PARP4: variants seen among roughly 807,000 people sequenced by gnomAD.
PARP4 encodes the protein protein mono-ADP-ribosyltransferase PARP4.
In PARP4, 120 loss-of-function variants were observed where a neutral mutation model predicts 187.7. The ratio of observed to expected loss-of-function variants is 0.64; its 90% confidence interval spans 0.55 to 0.74. The LOEUF (loss-of-function observed/expected upper bound fraction) is 0.74. Among genes scored for constraint, PARP4 ranks in the 30% least tolerant of loss-of-function variants. PARP4 has a pLI of 0.00. For synonymous variants in PARP4, 654 were observed against 740.9 expected (o/e 0.88, Z 1.90); for missense variants, 1,836 against 2,070.5 (o/e 0.89, Z 2.20).
chr13:24,458,107 C>A (rs1871983186), intron 20 of PARP4, among the ~76,000 whole-genome samples: 1 of 145,428 alleles, frequency 6.9e-6, no homozygotes, highest in African/African-American at 2.6e-5. Flanking sequence ...CCTGTCTCTA[C>A]AATTTTTTTT....
chr13:24,427,222 C>G (rs1870103752), intron 32 of PARP4, among the ~76,000 whole-genome samples: 1 of 152,104 alleles, frequency 6.6e-6, no homozygotes, highest in Non-Finnish European at 1.5e-5. Context: ...TGACTAATTA[C>G]ACTGGTGTAT....
chr13:24,469,795 T>C (rs780805889), intron 16 of PARP4, 99 bp downstream of exon 16: 81 of 1,263,876 alleles, frequency 6.4e-5, no homozygotes, highest in Non-Finnish European at 8.9e-5. Context: ...AGGCTGCTAC[T>C]CAACCTTGTA....
intron 12 of PARP4, among the ~76,000 whole-genome samples, chr13:24,482,243 T>C (rs1166493425): frequency 6.6e-6 from 1 of 152,228 alleles, no homozygotes; most frequent in African/African-American, 2.4e-5. Context: ...AGTGGTTTCT[T>C]GAGATGGAAT....
At chr13:24,496,305 T>G (rs1303700256) in intron 6 of PARP4, among the ~76,000 whole-genome samples, 8 of 152,124 alleles carry the variant, frequency 5.3e-5, no homozygotes, top group Non-Finnish European at 1.0e-4. Context: ...TTCTCCTTCT[T>G]GGACACATTT....
chr13:24,448,123 T>C (rs890113333), intron 25 of PARP4, among the ~76,000 whole-genome samples: 15 of 152,082 alleles, frequency 9.9e-5, no homozygotes, highest in Non-Finnish European at 1.9e-4. Flanking sequence ...GGGAGGAAGA[T>C]GGCTTGAGAC....
intron 15 of PARP4, among the ~76,000 whole-genome samples, chr13:24,473,261 T>G (rs1195806566): frequency 6.6e-6 from 1 of 152,148 alleles, no homozygotes; most frequent in East Asian, 1.9e-4. Context: ...ATGTGTATAT[T>G]TTAGTAGCTA....
At chr13:24,443,754 A>C (rs780933935) in intron 27 of PARP4, 24 bp from the exon 28 acceptor site, 1 of 1,527,710 alleles carries the variant, frequency 6.5e-7, no homozygotes, top group Non-Finnish European at 9.1e-7. Context: ...GCAAAGGAAA[A>C]AAAATATTCA....
intron 15 of PARP4, among the ~76,000 whole-genome samples, chr13:24,474,266 C>G (rs536659871): frequency 1.3e-5 from 2 of 151,998 alleles, no homozygotes; most frequent in South Asian, 4.2e-4. Flanking sequence ...CCTACACCCC[C>G]ACTGCAAACC....
chr13:24,474,176 C>T (rs1041752035), intron 15 of PARP4, among the ~76,000 whole-genome samples: 3 of 152,166 alleles, frequency 2.0e-5, no homozygotes, highest in African/African-American at 4.8e-5. Context: ...CTTCCTGGGC[C>T]GCTGTCTTTC....
intron 33 of PARP4, among the ~76,000 whole-genome samples, chr13:24,422,513 A>G (rs937426412): frequency 6.6e-6 from 1 of 152,176 alleles, no homozygotes; most frequent in Admixed American, 6.5e-5. Flanking sequence ...TTGTGCCTAC[A>G]CCCCCATATA....
chr13:24,423,316 C>A (rs1362999583), intron 33 of PARP4, among the ~76,000 whole-genome samples: 1 of 152,094 alleles, frequency 6.6e-6, no homozygotes, highest in Non-Finnish European at 1.5e-5. Flanking sequence ...CCAATGCAGG[C>A]AGATCACTTG....
intron 32 of PARP4, among the ~76,000 whole-genome samples, chr13:24,427,953 T>G (rs1489561143): frequency 6.6e-6 from 1 of 152,046 alleles, no homozygotes; most frequent in African/African-American, 2.4e-5. Flanking sequence ...AATAATAAAC[T>G]GATGAAATAC....
intron 27 of PARP4, among the ~76,000 whole-genome samples, chr13:24,445,198 C>T (rs1225789231): frequency 3.3e-5 from 5 of 152,026 alleles, no homozygotes; most frequent in Admixed American, 2.0e-4. Context: ...GTTAATCTAT[C>T]GTTGGATTAT....
chr13:24,424,067 C>T (rs1476216744), intron 33 of PARP4, among the ~76,000 whole-genome samples: 2 of 152,096 alleles, frequency 1.3e-5, no homozygotes, highest in Non-Finnish European at 2.9e-5. Context: ...TCAAGTGACC[C>T]TCCCGTCTCA....
chr13:24,463,419 T>C (rs1267269115), intron 17 of PARP4, among the ~76,000 whole-genome samples: 1 of 152,078 alleles, frequency 6.6e-6, no homozygotes, highest in Non-Finnish European at 1.5e-5. Flanking sequence ...TTTCTTTGTA[T>C]CTATAGAAAG....
At chr13:24,455,504 T>A (rs200616855) in intron 21 of PARP4, among the ~76,000 whole-genome samples, 2 of 136,498 alleles carry the variant, frequency 1.5e-5, no homozygotes, top group Non-Finnish European at 3.2e-5. Context: ...TATATATATA[T>A]ATCACACTAT....
At chr13:24,460,976 AT>A (rs1189289100) in intron 17 of PARP4, among the ~76,000 whole-genome samples, 1 of 152,064 alleles carries the variant, frequency 6.6e-6, no homozygotes, top group Non-Finnish European at 1.5e-5. Flanking sequence ...CTATCATGTT[AT>A]TTTTTTACTA....
chr13:24,512,444 C>T (rs770813035), intron 1 of PARP4, among the ~76,000 whole-genome samples: 20 of 152,330 alleles, frequency 1.3e-4, no homozygotes, highest in Non-Finnish European at 2.1e-4. Context: ...CTGTCGGCTC[C>T]GGTGGGCGCC....
chr13:24,443,689 A>C lies in PARP4; in HGVS notation c.3408T>G (p.Tyr1136Ter). The C allele has an allele frequency of 6.2e-7, 1 of 1,613,928 alleles. No individual in the cohort carries two copies. Among genetic ancestry groups the C allele is most frequent in the Admixed American group, 1.7e-5 (1 of 60,022 alleles). The change falls in exon 28 of 34, where the codon TAT becomes TAG. Residue 1136 changes from tyrosine (Y) to a stop codon, truncating the protein, a stop_gained. Coordinates refer to ENST00000381989, the MANE Select transcript of PARP4 (RefSeq NM_006437.4). LOFTEE classifies it high-confidence loss of function. ...CATTTTCGTGAAGAATGCCATCTTC[A>C]TAATCTCTGATTAGAGCTCGGGCTG... ...KLAARALIRD[Y>*]EDGILHENET...
Sources: allele counts gnomAD v4.1 joint callset (sites outside exome capture counted in the v4.1 genomes callset), GRCh38; gene constraint gnomAD v4.1.1; transcripts MANE v1.5; gene names NCBI Gene and HGNC (gene_info 2026-07-23, HGNC 2026-07-21).